Variants in ARNT2 observed in about 807,000 individuals in gnomAD.
ARNT2 encodes the protein ARNT protein 2.
ARNT2 carries 36 observed loss-of-function variants against 91.7 expected under a neutral mutation model. The observed-to-expected ratio is 0.39, with a 90% confidence interval of 0.30 to 0.52. ARNT2 has a LOEUF of 0.52. ARNT2 is among the 20% of genes least tolerant of loss of function. The pLI is 0.72. For missense variants in ARNT2, 775 were observed against 939.3 expected, an observed-to-expected ratio of 0.83 and a Z score of 2.29; for synonymous variants, 365 against 347.1, an observed-to-expected ratio of 1.05 and a Z score of -0.57.
intron 8 of ARNT2, among the ~76,000 whole-genome samples, chr15:80,534,195 A>G (rs1897784837): frequency 6.6e-6 from 1 of 152,202 alleles, no homozygotes; most frequent in Admixed American, 6.5e-5. Context: ...AGGGTTCTAG[A>G]GTCGGAATGG....
At chr15:80,453,977 T>C (rs1465422671) in intron 2 of ARNT2, among the ~76,000 whole-genome samples, 3 of 152,146 alleles carry the variant, frequency 2.0e-5, no homozygotes, top group Non-Finnish European at 4.4e-5. Context: ...TTAGAACCAA[T>C]GTCTTGCAGT....
chr15:80,436,814 A>G (rs995903543), intron 1 of ARNT2, among the ~76,000 whole-genome samples: 1 of 152,190 alleles, frequency 6.6e-6, no homozygotes, highest in Non-Finnish European at 1.5e-5. Context: ...TGGGTTTTGC[A>G]TAATTGAGAA....
At chr15:80,557,881 A>C (rs1054860292) in intron 11 of ARNT2, among the ~76,000 whole-genome samples, 3 of 152,068 alleles carry the variant, frequency 2.0e-5, no homozygotes, top group Non-Finnish European at 4.4e-5. Context: ...GGAAGACATA[A>C]ATTAGGTTTT....
chr15:80,558,461 T>A (rs1028078103), intron 11 of ARNT2, among the ~76,000 whole-genome samples: 2 of 149,858 alleles, frequency 1.3e-5, no homozygotes, highest in African/African-American at 4.9e-5. Flanking sequence ...TGCCTCAGCC[T>A]CCCGAGTAGC....
At chr15:80,556,417 C>G (rs1211214943) in intron 11 of ARNT2, 9 of 152,320 alleles carry the variant, frequency 5.9e-5, no homozygotes, top group African/African-American at 1.9e-4. Context: ...GAGGAAATAA[C>G]TGGAAACAAA....
chr15:80,544,962 G>A (rs1897967494), intron 8 of ARNT2, among the ~76,000 whole-genome samples: 2 of 152,170 alleles, frequency 1.3e-5, no homozygotes, highest in South Asian at 4.1e-4. Flanking sequence ...GATAGACTGA[G>A]TTGTCTGGGG....
chr15:80,414,219 T>G (rs1319024076), intron 1 of ARNT2, among the ~76,000 whole-genome samples: 1 of 152,234 alleles, frequency 6.6e-6, no homozygotes, highest in East Asian at 1.9e-4. Flanking sequence ...GGAAACATTC[T>G]TGGTTGCCAC....
intron 5 of ARNT2, among the ~76,000 whole-genome samples, chr15:80,494,948 C>A (rs916552280): frequency 1.2e-4 from 19 of 152,132 alleles, no homozygotes; most frequent in African/African-American, 4.3e-4. Flanking sequence ...TAGCACCTTC[C>A]CCAGATGGTA....
chr15:80,532,488 T>C (rs957842669), intron 8 of ARNT2, among the ~76,000 whole-genome samples: 1 of 152,150 alleles, frequency 6.6e-6, no homozygotes, highest in Non-Finnish European at 1.5e-5. Context: ...ATATAAAGAT[T>C]TGTGTCTTCC....
At position 80,593,156 on chromosome 15, in the gene ARNT2, G is replaced by A. The variant is rs566995624; in HGVS notation, c.2056-444G>A. ...CTGAAATCTAACCATTCAGGGATTC[G>A]TCCCTGCGCTAAGATAAACATGGAA... On this transcript the variant is annotated intron_variant, in intron 18 of 18. Transcript: ENST00000303329. Among the ~76,000 whole-genome samples, 29 of 152,328 alleles carry A rather than the reference G, an allele frequency of 1.9e-4. No homozygotes were observed. In the South Asian group the frequency reaches 3.9e-3, roughly 21 times the overall value.
intron 6 of ARNT2, among the ~76,000 whole-genome samples, chr15:80,510,777 C>T (rs1034837725): frequency 6.6e-6 from 1 of 151,886 alleles, no homozygotes; most frequent in Non-Finnish European, 1.5e-5. Context: ...TGCAGTGAGC[C>T]GAGATCATGC....
intron 3 of ARNT2, among the ~76,000 whole-genome samples, chr15:80,467,116 A>C (rs910965549): frequency 1.3e-5 from 2 of 152,100 alleles, no homozygotes; most frequent in Non-Finnish European, 2.9e-5. Context: ...GGCTCAATGG[A>C]AGGGGTTTAA....
At chr15:80,491,845 C>T (rs1270589910) in intron 5 of ARNT2, among the ~76,000 whole-genome samples, 1 of 128,032 alleles carries the variant, frequency 7.8e-6, no homozygotes, top group Admixed American at 8.7e-5. Flanking sequence ...TTCAGTTGTT[C>T]CAGCACCTTT....
intron 5 of ARNT2, among the ~76,000 whole-genome samples, chr15:80,484,646 A>G (rs1375305613): frequency 6.6e-6 from 1 of 152,210 alleles, no homozygotes; most frequent in Non-Finnish European, 1.5e-5. Flanking sequence ...ATGAATCTGG[A>G]CAGATTTCCA....
intron 5 of ARNT2, among the ~76,000 whole-genome samples, chr15:80,490,022 C>T (rs948408317): frequency 1.3e-4 from 20 of 152,012 alleles, no homozygotes; most frequent in East Asian, 5.8e-4. Context: ...TTCCCCCAAC[C>T]GTAGGCAGCT....
chr15:80,440,969 T>C (rs1343581559), intron 1 of ARNT2, among the ~76,000 whole-genome samples: 2 of 152,258 alleles, frequency 1.3e-5, no homozygotes, highest in East Asian at 3.8e-4. Flanking sequence ...TTGGGAATCA[T>C]GTGCCCTGTC....
chr15:80,499,803 G>A (rs900012375), intron 5 of ARNT2, among the ~76,000 whole-genome samples: 3 of 152,186 alleles, frequency 2.0e-5, no homozygotes, highest in Non-Finnish European at 4.4e-5. Flanking sequence ...ATGGGATCTT[G>A]TAAGAAGATG....
At chr15:80,474,869 C>A in intron 4 of ARNT2, 141 bp from the exon 5 acceptor site, 1 of 898,844 alleles carries the variant, frequency 1.1e-6, no homozygotes, top group Non-Finnish European at 1.7e-6. Context: ...TTTCCAGAAA[C>A]AAAGTTCTCA....
chr15:80,405,894 GAGAGAGAGAC>G (rs1406951278), intron 1 of ARNT2, among the ~76,000 whole-genome samples: 4 of 151,256 alleles, frequency 2.6e-5, no homozygotes, highest in African/African-American at 4.9e-5. Flanking sequence ...ATAGAAAAGA[GAGAGAGAGAC>G]AGAGAGAGAG....
Sources: gnomAD v4.1 joint callset for allele counts (sites outside exome capture counted in the v4.1 genomes callset) on GRCh38, gnomAD v4.1.1 for gene constraint, MANE v1.5 for transcripts, NCBI Gene and HGNC (gene_info 2026-07-23, HGNC 2026-07-21) for gene names.